The following ADAMTSL1 variants were observed in gnomAD, a reference collection of about 807,000 sequenced individuals.
ADAMTSL1 encodes the protein ADAMTS like 1.
A neutral mutation model predicts 201.8 loss-of-function variants in ADAMTSL1; 126 were observed. The ratio of observed to expected loss-of-function variants is 0.62; its 90% CI spans 0.54 to 0.72. The LOEUF (loss-of-function observed/expected upper bound fraction) is 0.72, where lower values mean the gene tolerates loss of function less well. Ranked by LOEUF, ADAMTSL1 falls within the 30% of genes least tolerant of loss-of-function variation. The pLI, the probability that ADAMTSL1 is intolerant of heterozygous loss-of-function variation, is 0.00. For synonymous variants in ADAMTSL1, 1,121 were observed against 903.4 expected (o/e 1.24, Z -4.32); for missense variants, 2,679 against 2,277.8 (o/e 1.18, Z -3.59).
intron 23 of ADAMTSL1, among the ~76,000 whole-genome samples, chr9:18,847,895 A>G (rs904784785): frequency 6.6e-6 from 1 of 152,204 alleles, no homozygotes; most frequent in African/African-American, 2.4e-5. Context: ...AAATCTATAA[A>G]TGCTCACATT....
rs143428615 is a variant in ADAMTSL1, at chr9:18,109,865, G to A, written c.88-53997G>A. The stretch of plus-strand genomic sequence containing the variant: ...CACCCCTACTGCCACTTTCCCCTGC[G>A]TATAAAACCAAAGAGAGCAGAGTGA... On this transcript the variant is annotated intron_variant, in intron 1 of 29. Transcript: ENST00000680146. Among the ~76,000 whole-genome samples the A allele has an allele frequency of 2.8e-3, 420 of 152,254 alleles. 1 individual carries two copies. Among genetic ancestry groups the A allele is most frequent in the African/African-American group, 8.9e-3 (371 of 41,542 alleles).
chr9:18,246,193 C>T (rs1831253988), intron 2 of ADAMTSL1, among the ~76,000 whole-genome samples: 1 of 152,102 alleles, frequency 6.6e-6, no homozygotes, highest in African/African-American at 2.4e-5. Flanking sequence ...TCTTCTCTTG[C>T]TTGGTGATAC....
At chr9:18,575,641 G>A (rs1024233229) in intron 4 of ADAMTSL1, among the ~76,000 whole-genome samples, 4 of 152,168 alleles carry the variant, frequency 2.6e-5, no homozygotes, top group Non-Finnish European at 4.4e-5. Flanking sequence ...CTGTGTTGTA[G>A]GGAATGGCAA....
At chr9:18,819,789 C>T (rs938714134) in intron 21 of ADAMTSL1, among the ~76,000 whole-genome samples, 10 of 152,206 alleles carry the variant, frequency 6.6e-5, no homozygotes, top group Non-Finnish European at 1.3e-4. Context: ...CCTTATTCCT[C>T]TTGTTAAACA....
At chr9:18,852,229 C>A (rs1826541699) in intron 23 of ADAMTSL1, among the ~76,000 whole-genome samples, 1 of 152,170 alleles carries the variant, frequency 6.6e-6, no homozygotes, top group African/African-American at 2.4e-5. Context: ...TGACCTTGGG[C>A]AAATTATGGA....
At chr9:18,074,020 A>G (rs1823083204) in intron 1 of ADAMTSL1, among the ~76,000 whole-genome samples, 1 of 152,038 alleles carries the variant, frequency 6.6e-6, no homozygotes, top group African/African-American at 2.4e-5. Flanking sequence ...TGCAGGAGGA[A>G]GTAGGCTTGT....
intron 1 of ADAMTSL1, among the ~76,000 whole-genome samples, chr9:18,153,714 T>A (rs1031817398): frequency 6.6e-6 from 1 of 152,126 alleles, no homozygotes; most frequent in South Asian, 2.1e-4. Context: ...ACGCTTAGAA[T>A]TACATAAAGA....
At chr9:18,235,044 G>T (rs898321096) in intron 2 of ADAMTSL1, among the ~76,000 whole-genome samples, 1 of 152,016 alleles carries the variant, frequency 6.6e-6, no homozygotes, top group African/African-American at 2.4e-5. Context: ...TTGTTTTATT[G>T]CTGTTAACCA....
intron 2 of ADAMTSL1, among the ~76,000 whole-genome samples, chr9:18,519,199 G>A (rs1818538213): frequency 6.6e-6 from 1 of 152,058 alleles, no homozygotes; most frequent in African/African-American, 2.4e-5. Flanking sequence ...TATTCATATG[G>A]TACTGTCTCT....
At chr9:18,680,880 T>C (rs1053276988) in intron 11 of ADAMTSL1, 1 of 277,760 alleles carries the variant, frequency 3.6e-6, no homozygotes, top group Non-Finnish European at 7.0e-6. Context: ...TGATTTCATT[T>C]TGTATGTATT....
chr9:18,432,163 G>A (rs541127044), intron 2 of ADAMTSL1, among the ~76,000 whole-genome samples: 1 of 152,218 alleles, frequency 6.6e-6, no homozygotes, highest in East Asian at 1.9e-4. Context: ...TCAGTTGTGT[G>A]CCAACCATAG....
chr9:18,248,963 C>A (rs138638841), intron 2 of ADAMTSL1, among the ~76,000 whole-genome samples: 1 of 152,170 alleles, frequency 6.6e-6, no homozygotes, highest in East Asian at 1.9e-4. Context: ...CCGTTCTGTA[C>A]CCTGTACACA....
intron 1 of ADAMTSL1, among the ~76,000 whole-genome samples, chr9:18,155,817 T>C (rs1420694283): frequency 2.0e-5 from 3 of 152,042 alleles, no homozygotes; most frequent in Non-Finnish European, 4.4e-5. Flanking sequence ...TCTAGTCCAA[T>C]AGTACTTGGG....
At chr9:18,888,105 ACTAT>A (rs1447533477) in intron 24 of ADAMTSL1, 62 bp downstream of exon 24, 7 of 1,512,882 alleles carry the variant, frequency 4.6e-6, no homozygotes, top group Non-Finnish European at 6.3e-6. Context: ...TGGGAATCTA[ACTAT>A]CTAGCAGAAC....
intron 2 of ADAMTSL1, among the ~76,000 whole-genome samples, chr9:18,396,183 C>G (rs182159006): frequency 2.0e-5 from 3 of 152,136 alleles, no homozygotes; most frequent in African/African-American, 7.2e-5. Flanking sequence ...CTTAGGTGCT[C>G]CTGCCTTTGC....
rs80036252 is a variant in ADAMTSL1, at chr9:18,480,004, T to C, written c.63+5709T>C. On this transcript the variant is annotated intron_variant, in intron 1 of 28. Transcript: ENST00000380548. ...ACACACTGAACAACAATTAACCCCTTTTGCTCTTGTTAATTAGAATGAATC... is the reference window on the plus strand; with the variant it reads ...ACACACTGAACAACAATTAACCCCTCTTGCTCTTGTTAATTAGAATGAATC... Among the ~76,000 whole-genome samples the C allele has an allele frequency of 8.4e-3, 1,272 of 152,328 alleles. 13 individuals are homozygous for C. The highest frequency in any genetic ancestry group is 0.029 in the African/African-American group (1,213 of 41,576).
chr9:18,517,354 A>G (rs532393031), intron 2 of ADAMTSL1, among the ~76,000 whole-genome samples: 1 of 151,438 alleles, frequency 6.6e-6, no homozygotes, highest in East Asian at 1.9e-4. Flanking sequence ...ATAGAGCCCA[A>G]TTTTTTTACT....
chr9:17,918,791 C>G (rs1387072245), intron 1 of ADAMTSL1, among the ~76,000 whole-genome samples: 1 of 151,826 alleles, frequency 6.6e-6, no homozygotes, highest in Non-Finnish European at 1.5e-5. Context: ...CTCTATATTA[C>G]CACTGTAGAC....
At chr9:18,357,717 C>T (rs527292954) in intron 2 of ADAMTSL1, among the ~76,000 whole-genome samples, 1 of 152,088 alleles carries the variant, frequency 6.6e-6, no homozygotes, top group African/African-American at 2.4e-5. Context: ...TAAGTATTGC[C>T]AGCTACAAGG....
Sources: allele counts gnomAD v4.1 joint callset (sites outside exome capture counted in the v4.1 genomes callset), GRCh38; gene constraint gnomAD v4.1.1; transcripts MANE v1.5; gene names NCBI Gene and HGNC (gene_info 2026-07-23, HGNC 2026-07-21).